PDZRN4: variants seen among roughly 807,000 people sequenced by gnomAD.
PDZRN4 encodes PDZ domain containing ring finger 4, also known as PDZ domain-containing RING finger protein 4.
A neutral mutation model predicts 99.0 loss-of-function variants in PDZRN4; 70 were observed. The ratio of observed to expected loss-of-function variants is 0.71; its 90% CI spans 0.58 to 0.86. The LOEUF is 0.86. Ranked by LOEUF, PDZRN4 falls within the 40% of genes least tolerant of loss-of-function variation. The pLI is 0.00. For synonymous variants in PDZRN4, 551 were observed against 501.6 expected (o/e 1.10, Z -1.32); for missense variants, 1,474 against 1,331.2 (o/e 1.11, Z -1.67).
chr12:41,381,968 A>G (rs1443850772), intron 3 of PDZRN4, among the ~76,000 whole-genome samples: 1 of 152,096 alleles, frequency 6.6e-6, no homozygotes, highest in Non-Finnish European at 1.5e-5. Context: ...CTTATTTGGT[A>G]GGGCCACCGT....
chr12:41,456,159 T>A (rs1422233178), intron 3 of PDZRN4, among the ~76,000 whole-genome samples: 2 of 152,222 alleles, frequency 1.3e-5, no homozygotes, highest in Non-Finnish European at 2.9e-5. Context: ...TTCTTCTAGC[T>A]TCTTTGACAG....
At chr12:41,209,527 T>C (rs2120690159) in intron 3 of PDZRN4, among the ~76,000 whole-genome samples, 1 of 132,600 alleles carries the variant, frequency 7.5e-6, no homozygotes, top group South Asian at 2.7e-4. Flanking sequence ...CCCCGATGTG[T>C]GATGTTCCCC....
At chr12:41,275,314 T>C (rs1291261777) in intron 3 of PDZRN4, among the ~76,000 whole-genome samples, 1 of 152,194 alleles carries the variant, frequency 6.6e-6, no homozygotes, top group Non-Finnish European at 1.5e-5. Flanking sequence ...CTCATTTTTC[T>C]TCATAATGCT....
intron 3 of PDZRN4, among the ~76,000 whole-genome samples, chr12:41,390,264 G>A (rs1156868012): frequency 6.6e-6 from 1 of 152,080 alleles, no homozygotes; most frequent in East Asian, 1.9e-4. Flanking sequence ...TAAACACAAT[G>A]AGTATAAAAA....
chr12:41,462,750 T>C (rs1457351759), intron 3 of PDZRN4, among the ~76,000 whole-genome samples: 9 of 151,856 alleles, frequency 5.9e-5, no homozygotes, highest in Non-Finnish European at 1.0e-4. Flanking sequence ...TATAAAAAAT[T>C]GATGAACACA....
intron 3 of PDZRN4, among the ~76,000 whole-genome samples, chr12:41,360,263 A>T (rs960536126): frequency 1.3e-5 from 2 of 152,048 alleles, no homozygotes; most frequent in Non-Finnish European, 2.9e-5. Flanking sequence ...ATAGGATTGG[A>T]TGAATTTGTG....
chr12:41,523,169 T>G (rs188043050), intron 5 of PDZRN4, among the ~76,000 whole-genome samples: 1 of 152,220 alleles, frequency 6.6e-6, no homozygotes, highest in Admixed American at 6.6e-5. Context: ...TTAAATGTGA[T>G]AATATATGAG....
intron 3 of PDZRN4, among the ~76,000 whole-genome samples, chr12:41,309,610 TA>T (rs1038849608): frequency 6.6e-6 from 1 of 151,996 alleles, no homozygotes; most frequent in African/African-American, 2.4e-5. Flanking sequence ...AAGTTAAAAA[TA>T]TGACTGTTAG....
intron 3 of PDZRN4, among the ~76,000 whole-genome samples, chr12:41,505,753 T>G (rs1360579601): frequency 6.6e-6 from 1 of 150,602 alleles, no homozygotes; most frequent in Non-Finnish European, 1.5e-5. Flanking sequence ...CAAGTGAGTA[T>G]CTAGAGGGAC....
Position 41,188,406 on chromosome 12 carries a change from C to G in PDZRN4, c.-50C>G. 1 of 1,455,338 alleles carries G rather than the reference C, an allele frequency of 6.9e-7. No homozygotes were observed. Among genetic ancestry groups the G allele is most frequent in the Non-Finnish European group, 9.1e-7 (1 of 1,102,886 alleles). 90.2% of individuals were successfully genotyped at this position (1,455,338 alleles called of 1,614,324 possible). ...GTGGCCCGGGGAAGGCAGGGGGGCT[C>G]GGAGAAGACGGACTCTGCTTTCGCT... On this transcript the variant is annotated 5_prime_UTR_variant, in exon 1 of 10. Coordinates refer to ENST00000402685, the MANE Select transcript of PDZRN4 (RefSeq NM_001164595.2).
intron 3 of PDZRN4, among the ~76,000 whole-genome samples, chr12:41,484,995 T>G (rs1937746517): frequency 6.6e-6 from 1 of 152,116 alleles, no homozygotes; most frequent in African/African-American, 2.4e-5. Flanking sequence ...ATCCATCCCA[T>G]GCCTCACAAT....
At chr12:41,528,161 T>A (rs1938601438) in intron 5 of PDZRN4, among the ~76,000 whole-genome samples, 1 of 152,024 alleles carries the variant, frequency 6.6e-6, no homozygotes, top group African/African-American at 2.4e-5. Context: ...GTCTGAGGAA[T>A]AAGGAGCCGT....
intron 3 of PDZRN4, among the ~76,000 whole-genome samples, chr12:41,499,922 T>C (rs1324647080): frequency 6.6e-6 from 1 of 152,010 alleles, no homozygotes; most frequent in Non-Finnish European, 1.5e-5. Context: ...TACTGTTACA[T>C]ACGTAAGCAT....
intron 3 of PDZRN4, among the ~76,000 whole-genome samples, chr12:41,235,677 T>C (rs1951062013): frequency 6.6e-6 from 1 of 152,168 alleles, no homozygotes; most frequent in South Asian, 2.1e-4. Context: ...TAAATGCTGG[T>C]TTGAAAATTT....
At chr12:41,453,953 T>G (rs1565586853) in intron 3 of PDZRN4, among the ~76,000 whole-genome samples, 1 of 56,662 alleles carries the variant, frequency 1.8e-5, no homozygotes, top group Non-Finnish European at 3.6e-5. Context: ...AAGATGAATT[T>G]AATAGCTGTA....
chr12:41,273,050 G>T (rs142252395), intron 3 of PDZRN4, among the ~76,000 whole-genome samples: 4 of 152,014 alleles, frequency 2.6e-5, no homozygotes, highest in Non-Finnish European at 5.9e-5. Context: ...GCTTAAGCTT[G>T]TCTGGGCTTC....
intron 3 of PDZRN4, among the ~76,000 whole-genome samples, chr12:41,302,212 A>G (rs529458857): frequency 6.6e-6 from 1 of 152,228 alleles, no homozygotes; most frequent in African/African-American, 2.4e-5. Flanking sequence ...CTGACCTCAA[A>G]TATAACATTT....
rs150160611 is a variant in PDZRN4 at position 41,262,135 on chromosome 12, C to G, written c.843+67947C>G. Among the ~76,000 whole-genome samples the G allele has an allele frequency of 1.8e-3, 268 of 152,298 alleles. 1 individual carries two copies. Among genetic ancestry groups the G allele is most frequent in the Middle Eastern group, 0.01 (3 of 294 alleles). On this transcript the variant is annotated intron_variant, in intron 3 of 9. Coordinates refer to ENST00000402685, the MANE Select transcript of PDZRN4 (RefSeq NM_001164595.2). Reference sequence around the variant, plus strand: ...GCCTCCCAGATGACTGGTCCAGTTCCCTAAATTAGCGTCTTCTCCAAAACG... The same window carrying G: ...GCCTCCCAGATGACTGGTCCAGTTCGCTAAATTAGCGTCTTCTCCAAAACG...
chr12:41,459,888 A>G (rs1394776933), intron 3 of PDZRN4: 1 of 1,193,516 alleles, frequency 8.4e-7, no homozygotes, highest in Non-Finnish European at 1.1e-6. Flanking sequence ...AAAAATGAAA[A>G]CTTCTAGAAC....
Sources: gnomAD v4.1 joint callset for allele counts (sites outside exome capture counted in the v4.1 genomes callset) on GRCh38, gnomAD v4.1.1 for gene constraint, MANE v1.5 for transcripts, NCBI Gene and HGNC (gene_info 2026-07-23, HGNC 2026-07-21) for gene names.